The following CHST11 variants were observed in gnomAD, a reference collection of about 807,000 sequenced individuals.
The protein encoded by CHST11 is C4S-1.
Under a neutral mutation model 30.4 loss-of-function variants are expected in CHST11, and 9 were observed. That is an observed-to-expected ratio of 0.30 (90% CI 0.18 to 0.52). The LOEUF (loss-of-function observed/expected upper bound fraction) is 0.52, where lower values mean the gene tolerates loss of function less well. Among genes scored for constraint, CHST11 ranks in the 20% least tolerant of loss-of-function variants. The pLI, the probability that CHST11 is intolerant of heterozygous loss-of-function variation, is 0.97. For missense variants in CHST11, 348 were observed against 460.6 expected (o/e 0.76, Z 2.24); for synonymous variants, 152 against 187.8 (o/e 0.81, Z 1.56).
Position 104,500,823 on chromosome 12 carries a change from C to T in CHST11, c.118+43294C>T, listed in dbSNP as rs555108105. On this transcript the variant is annotated intron_variant, in intron 1 of 2. Coordinates refer to ENST00000303694, the MANE Select transcript of CHST11 (RefSeq NM_018413.6). ...TCTGATTCTGTGAAAGAAATAAGAACGGAGTAGTGGAAATGAACTATTGCG... is the reference window on the plus strand; with the variant it reads ...TCTGATTCTGTGAAAGAAATAAGAATGGAGTAGTGGAAATGAACTATTGCG... Among the ~76,000 whole-genome samples, 6 of 152,264 alleles carry T rather than the reference C, an allele frequency of 3.9e-5. No individual in the cohort carries two copies. The East Asian group carries it at 7.7e-4, about 20-fold the overall frequency.
At position 104,550,665 on chromosome 12, in the gene CHST11, G is replaced by A. The variant is rs544530998; in HGVS notation, c.119-51241G>A. Among the ~76,000 whole-genome samples, 3 of 152,296 alleles carry A rather than the reference G, an allele frequency of 2.0e-5. No individual in the cohort carries two copies. In the South Asian group the frequency reaches 6.2e-4, roughly 32 times the overall value. ...TGGATGGAATGGAAACCTCTGTCTT[G>A]CCCATATGGGTCCTAATGCATTTTA... On this transcript the variant is annotated intron_variant, in intron 1 of 2. Transcript: ENST00000303694.
intron 1 of CHST11, chr12:104,553,575 G>A (rs988481081): frequency 1.6e-4 from 8 of 49,218 alleles, no homozygotes; most frequent in Middle Eastern, 0.028. Flanking sequence ...CAGCGAGAGA[G>A]AGAGAGAGAG....
chr12:104,615,076 T>A (rs763620231), intron 2 of CHST11, among the ~76,000 whole-genome samples: 14 of 152,126 alleles, frequency 9.2e-5, no homozygotes, highest in African/African-American at 2.4e-4. Context: ...ACTTGACAGA[T>A]TGGGCCTGCC....
intron 1 of CHST11, among the ~76,000 whole-genome samples, chr12:104,469,384 T>G (rs1380395912): frequency 1.3e-5 from 2 of 152,352 alleles, no homozygotes; most frequent in Non-Finnish European, 2.9e-5. Context: ...ACTTAATTAC[T>G]CCTCAGGTTC....
intron 2 of CHST11, among the ~76,000 whole-genome samples, chr12:104,637,377 C>T (rs1172026592): frequency 7.1e-6 from 1 of 139,892 alleles, no homozygotes; most frequent in Non-Finnish European, 1.5e-5. Flanking sequence ...AGGAGATATA[C>T]CTAATGCTAA....
intron 2 of CHST11, among the ~76,000 whole-genome samples, chr12:104,735,844 G>A (rs556401012): frequency 6.6e-6 from 1 of 152,208 alleles, no homozygotes; most frequent in African/African-American, 2.4e-5. Context: ...CACAAGGACA[G>A]CAGAGTTAGA....
intron 1 of CHST11, among the ~76,000 whole-genome samples, chr12:104,465,930 A>G (rs2037452943): frequency 6.6e-6 from 1 of 151,836 alleles, no homozygotes; most frequent in Non-Finnish European, 1.5e-5. Context: ...ATGTAGTGGC[A>G]CCGTCTGGCT....
chr12:104,514,559 C>T (rs1592740249), intron 1 of CHST11: 8 of 452,192 alleles, frequency 1.8e-5, no homozygotes, highest in East Asian at 1.3e-4. Flanking sequence ...TAGAGGTTTA[C>T]TTGGCTCACG....
intron 1 of CHST11, among the ~76,000 whole-genome samples, chr12:104,572,197 A>C (rs11112105): frequency 0.18 from 26,327 of 149,250 alleles, 1,319 homozygotes; most frequent in East Asian, 0.37. Flanking sequence ...TGTCTCTGCC[A>C]GGCTTTGGTA....
At chr12:104,525,047 T>C (rs1251216092) in intron 1 of CHST11, among the ~76,000 whole-genome samples, 1 of 151,898 alleles carries the variant, frequency 6.6e-6, no homozygotes, top group African/African-American at 2.4e-5. Context: ...AGAAAAAAGA[T>C]CAAATCTTAT....
chr12:104,514,476 C>T (rs892785406), intron 1 of CHST11: 16 of 725,366 alleles, frequency 2.2e-5, no homozygotes, highest in Admixed American at 5.7e-5. Context: ...CCTGCTGCTA[C>T]GACTCCATAC....
At chr12:104,473,615 G>T (rs78257581) in intron 1 of CHST11, among the ~76,000 whole-genome samples, 42 of 152,050 alleles carry the variant, frequency 2.8e-4, no homozygotes, top group Admixed American at 5.9e-4. Context: ...GAAAGATGCC[G>T]CCCTGTGTCC....
rs74620206 is a variant in CHST11 at position 104,622,600 on chromosome 12, G to T, written c.204+20609G>T. Among the ~76,000 whole-genome samples, 360 of 152,230 alleles carry T rather than the reference G, an allele frequency of 2.4e-3. 1 individual carries two copies. Among genetic ancestry groups the T allele is most frequent in the African/African-American group, 8.4e-3 (350 of 41,524 alleles). On this transcript the variant is annotated intron_variant, in intron 2 of 2. Transcript: ENST00000303694. The stretch of plus-strand genomic sequence containing the variant: ...TAAGCTCTTAATAAATGTCAGGTAA[G>T]GCTAAACCTGAACGTCGAGCCTAGA...
chr12:104,729,067 G>A lies in CHST11; in HGVS notation c.205-27882G>A, dbSNP rs1234498865. On this transcript the variant is annotated intron_variant, in intron 2 of 2. Coordinates refer to ENST00000303694, the MANE Select transcript of CHST11 (RefSeq NM_018413.6). This position sits in a 1 kb window ranked among gnomAD's most constrained non-coding sequence, Gnocchi z 4.0. ...GGGAATTTAGGGGAATTTTATTTTC[G>A]TGTTATTGTTTTCCTCTAATTATTA... 2.6e-5 allele frequency among the ~76,000 whole-genome samples: 4 copies of A among 152,086 alleles called. No individual in the cohort carries two copies. The highest frequency in any genetic ancestry group is 4.1e-4 in the South Asian group (2 of 4,826).
At position 104,757,776 on chromosome 12, in the gene CHST11, A is replaced by G. The variant is rs767509270; in HGVS notation, c.1032A>G (p.Ser344=). Residue 344 remains serine (S), a synonymous_variant, in exon 3 of 3, where the codon TCA becomes TCG. Transcript: ENST00000303694. The surrounding 1 kb of genome is among the most constrained non-coding windows in gnomAD (Gnocchi z 6.5). ...TCGATTTTTTAATGTTCAATTACTCAGTGCCAAGCTACCTGAAATTGGAAT... is the reference window on the plus strand; with the variant it reads ...TCGATTTTTTAATGTTCAATTACTCGGTGCCAAGCTACCTGAAATTGGAAT... ...YKLDFLMFNY[S]VPSYLKLE is the part of the protein sequence containing the mutation. 6.2e-6 allele frequency: 10 copies of G among 1,612,856 alleles called. No homozygotes were observed. Among genetic ancestry groups the G allele is most frequent in the Non-Finnish European group, 8.5e-7 (1 of 1,178,858 alleles).
intron 2 of CHST11, among the ~76,000 whole-genome samples, chr12:104,616,216 A>G (rs1037919598): frequency 5.9e-5 from 9 of 152,316 alleles, no homozygotes; most frequent in Middle Eastern, 3.4e-3. Context: ...AAGAAACACC[A>G]TCTTTTAGTG....
intron 1 of CHST11, among the ~76,000 whole-genome samples, chr12:104,465,778 G>C (rs757531209): frequency 1.3e-5 from 2 of 152,302 alleles, no homozygotes; most frequent in South Asian, 4.2e-4. Flanking sequence ...CTGTGGTCTA[G>C]TCCCTTTGTC....
chr12:104,681,650 C>T (rs1184811197), intron 2 of CHST11, among the ~76,000 whole-genome samples: 1 of 152,006 alleles, frequency 6.6e-6, no homozygotes, highest in Non-Finnish European at 1.5e-5. Flanking sequence ...AAATGACATG[C>T]TAAGCCTGGG....
At chr12:104,581,846 A>C (rs944531760) in intron 1 of CHST11, among the ~76,000 whole-genome samples, 1 of 152,168 alleles carries the variant, frequency 6.6e-6, no homozygotes, top group Non-Finnish European at 1.5e-5. Flanking sequence ...TTGCCATTTG[A>C]ATTTGAGGAG....
Sources: allele counts gnomAD v4.1 joint callset (sites outside exome capture counted in the v4.1 genomes callset), GRCh38; gene constraint gnomAD v4.1.1; non-coding constraint Gnocchi (gnomAD v3.1); transcripts MANE v1.5; gene names NCBI Gene and HGNC (gene_info 2026-07-23, HGNC 2026-07-21).